The following TENM2 variants were observed in gnomAD, a reference collection of about 807,000 sequenced individuals.
TENM2 encodes teneurin-2.
A neutral mutation model predicts 245.2 loss-of-function variants in TENM2; 52 were observed. The observed-to-expected ratio is 0.21, with a 90% CI of 0.17 to 0.27. The LOEUF (loss-of-function observed/expected upper bound fraction) is 0.27. TENM2 is among the 10% of genes least tolerant of loss of function. The pLI is 1.00. For synonymous variants in TENM2, 1,363 were observed against 1,438.9 expected, an observed-to-expected ratio of 0.95 and a Z score of 1.19; for missense variants, 3,046 against 3,666.8, an observed-to-expected ratio of 0.83 and a Z score of 4.37.
chr5:168,090,507 A>T (rs1240278633), intron 7 of TENM2, 67 bp from the exon 10 acceptor site: 2 of 1,368,848 alleles, frequency 1.5e-6, no homozygotes, highest in Non-Finnish European at 2.0e-6. Flanking sequence ...GTTCGGGGGG[A>T]AGGTACCAGG....
At chr5:167,730,284 G>C (rs971941212) in intron 2 of TENM2, among the ~76,000 whole-genome samples, 1 of 152,174 alleles carries the variant, frequency 6.6e-6, no homozygotes, top group Non-Finnish European at 1.5e-5. Context: ...GGTCAGTTGA[G>C]GATGTTGGGA....
intron 2 of TENM2, among the ~76,000 whole-genome samples, chr5:167,402,486 G>A (rs1450243326): frequency 6.6e-6 from 1 of 152,062 alleles, no homozygotes; most frequent in Admixed American, 6.6e-5. Context: ...ATCAAGTATG[G>A]ATATATTTAG....
intron 7 of TENM2, among the ~76,000 whole-genome samples, chr5:168,080,465 C>T (rs572758106): frequency 3.9e-5 from 6 of 151,968 alleles, no homozygotes; most frequent in Non-Finnish European, 7.4e-5. Context: ...TTTCTTGCCT[C>T]CTGCTAGCTT....
the TENM2 span, among the ~76,000 whole-genome samples, chr5:167,018,399 TA>T: frequency 1.3e-5 from 2 of 149,266 alleles, no homozygotes; most frequent in Non-Finnish European, 3.0e-5. Flanking sequence ...TTTATGCCAC[TA>T]AAAAAACCCA....
At chr5:167,567,693 C>T (rs1236059478) in intron 2 of TENM2, among the ~76,000 whole-genome samples, 2 of 143,672 alleles carry the variant, frequency 1.4e-5, no homozygotes, top group Non-Finnish European at 2.9e-5. Context: ...AGCATGTGCA[C>T]ACACACACAA....
At chr5:167,214,993 C>T in the TENM2 span, among the ~76,000 whole-genome samples, 1 of 152,102 alleles carries the variant, frequency 6.6e-6, no homozygotes, top group Non-Finnish European at 1.5e-5. Context: ...CTCCTTCTTT[C>T]CTAGATTATT....
At chr5:167,830,713 T>G (rs1768393970) in intron 2 of TENM2, among the ~76,000 whole-genome samples, 1 of 152,306 alleles carries the variant, frequency 6.6e-6, no homozygotes, top group South Asian at 2.1e-4. Context: ...TTAAGAAAAC[T>G]ATGATCTCTA....
the TENM2 span, among the ~76,000 whole-genome samples, chr5:167,189,122 C>T: frequency 2.0e-5 from 3 of 152,104 alleles, no homozygotes; most frequent in Non-Finnish European, 4.4e-5. Context: ...AATAAAGCCA[C>T]TTTCTACAGT....
At chr5:167,035,404 G>T in the TENM2 span, among the ~76,000 whole-genome samples, 1 of 152,206 alleles carries the variant, frequency 6.6e-6, no homozygotes, top group Non-Finnish European at 1.5e-5. Context: ...CCACTCTGAA[G>T]AACATGTTTT....
At chr5:167,294,879 T>G (rs1205437603) in intron 1 of TENM2, among the ~76,000 whole-genome samples, 3 of 152,206 alleles carry the variant, frequency 2.0e-5, no homozygotes, top group African/African-American at 7.2e-5. Flanking sequence ...TCTATTTTTT[T>G]CTTGTGGAAT....
At chr5:167,477,025 A>G (rs1204731016) in intron 2 of TENM2, among the ~76,000 whole-genome samples, 1 of 152,228 alleles carries the variant, frequency 6.6e-6, no homozygotes, top group Non-Finnish European at 1.5e-5. Context: ...GTTCCATAAA[A>G]AAAGTGATGG....
At chr5:167,738,814 A>G (rs1760979329) in intron 2 of TENM2, among the ~76,000 whole-genome samples, 1 of 152,008 alleles carries the variant, frequency 6.6e-6, no homozygotes, top group Non-Finnish European at 1.5e-5. Flanking sequence ...TGTGTGTCCA[A>G]ATTTCCTCTT....
At chr5:167,259,310 T>C in the TENM2 span, among the ~76,000 whole-genome samples, 1 of 152,204 alleles carries the variant, frequency 6.6e-6, no homozygotes, top group Non-Finnish European at 1.5e-5. Flanking sequence ...AGTTCCCACC[T>C]ATCTTCTACA....
chr5:168,143,706 G>C (rs1755759217), intron 12 of TENM2, among the ~76,000 whole-genome samples: 1 of 152,164 alleles, frequency 6.6e-6, no homozygotes, highest in Non-Finnish European at 1.5e-5. Flanking sequence ...AAAGGAGTTT[G>C]CAAGTTTCAC....
At chr5:167,291,350 T>G (rs1265884093) in intron 1 of TENM2, among the ~76,000 whole-genome samples, 2 of 152,242 alleles carry the variant, frequency 1.3e-5, no homozygotes, top group Non-Finnish European at 2.9e-5. Flanking sequence ...GGGTAATGTT[T>G]TGGCAGACAT....
At chr5:167,286,263 A>C (rs569781909) in intron 1 of TENM2, among the ~76,000 whole-genome samples, 1 of 152,294 alleles carries the variant, frequency 6.6e-6, no homozygotes, top group Non-Finnish European at 1.5e-5. Flanking sequence ...GCAGGATACA[A>C]TTTTTATTTA....
At chr5:168,179,193 A>T (rs189330871) in intron 13 of TENM2, among the ~76,000 whole-genome samples, 323 of 151,944 alleles carry the variant, frequency 2.1e-3, no homozygotes, top group Non-Finnish European at 3.5e-3. Flanking sequence ...GTGAATCATG[A>T]ATCACTTCTC....
chr5:167,483,331 T>A (rs1250925120), intron 2 of TENM2, among the ~76,000 whole-genome samples: 1 of 152,204 alleles, frequency 6.6e-6, no homozygotes, highest in African/African-American at 2.4e-5. Context: ...GCAGCATTAC[T>A]CCTTTTTACT....
intron 5 of TENM2, among the ~76,000 whole-genome samples, chr5:168,009,339 A>G (rs1175382585): frequency 2.0e-5 from 3 of 152,202 alleles, no homozygotes; most frequent in African/African-American, 7.2e-5. Flanking sequence ...AATCTGCTAC[A>G]TATTCATTCT....
Sources: gnomAD v4.1 joint callset for allele counts (sites outside exome capture counted in the v4.1 genomes callset) on GRCh38, gnomAD v4.1.1 for gene constraint, MANE v1.5 for transcripts, NCBI Gene and HGNC (gene_info 2026-07-23, HGNC 2026-07-21) for gene names.